CDKL5: variants seen among roughly 807,000 people sequenced by gnomAD.
CDKL5 encodes the protein cyclin-dependent kinase-like 5.
In CDKL5, 8 loss-of-function variants were observed where a neutral mutation model predicts 61.7. That is an observed-to-expected ratio of 0.13 (90% CI 0.08 to 0.23). The LOEUF (loss-of-function observed/expected upper bound fraction) is 0.23. Among genes scored for constraint, CDKL5 ranks in the 10% least tolerant of loss-of-function variants. The pLI, the probability that CDKL5 is intolerant of heterozygous loss-of-function variation, is 1.00. For synonymous variants in CDKL5, 275 were observed against 272.3 expected, an observed-to-expected ratio of 1.01 and a Z score of -0.10; for missense variants, 440 against 734.5, an observed-to-expected ratio of 0.60 and a Z score of 4.63.
intron 15 of CDKL5, among the ~76,000 whole-genome samples, chrX:18,614,550 GC>G (rs1926659881): frequency 8.9e-6 from 1 of 112,026 alleles, no homozygotes; most frequent in South Asian, 3.7e-4. Context: ...TGCATTAAAA[GC>G]ACCTAGAATA....
At chrX:18,553,465 C>CGT (rs201802099) in intron 3 of CDKL5, among the ~76,000 whole-genome samples, 6,038 of 90,678 alleles carry the variant, frequency 0.067, 168 homozygotes, top group Non-Finnish European at 0.071. Flanking sequence ...TGTGTGTGTG[C>CGT]GTGTGTGTGT....
intron 1 of CDKL5, among the ~76,000 whole-genome samples, chrX:18,473,042 G>C (rs1028012623): frequency 9.6e-6 from 1 of 103,934 alleles, no homozygotes; most frequent in Non-Finnish European, 1.9e-5. Context: ...TGCAACCTCT[G>C]TCTCCTGGAT....
chrX:18,518,385 C>CTTTTCTTTTT (rs1195931109), intron 3 of CDKL5, among the ~76,000 whole-genome samples: 1 of 22,794 alleles, frequency 4.4e-5, no homozygotes, highest in African/African-American at 1.5e-4. Flanking sequence ...CTTTTCTTTT[C>CTTTTCTTTTT]TTATTTTTTT....
chrX:18,649,253 A>G (rs1927927066), intron 20 of CDKL5, among the ~76,000 whole-genome samples: 1 of 110,818 alleles, frequency 9.0e-6, no homozygotes, highest in Non-Finnish European at 1.9e-5. Flanking sequence ...TTTTTTGGTT[A>G]GAGACCTGGT....
In CDKL5 at chrX:18,629,234, T is replaced by C; in HGVS notation, c.*477T>C. 6 of 746,841 alleles carry C rather than the reference T, an allele frequency of 8.0e-6. No homozygotes were observed. Among genetic ancestry groups the C allele is most frequent in the Non-Finnish European group, 9.5e-6 (6 of 632,214 alleles). 61.5% of individuals were successfully genotyped at this position (746,841 alleles called of 1,213,427 possible). A position where few individuals can be genotyped will look rare whatever the true frequency, so the allele number is the denominator to read the frequency against. The stretch of plus-strand genomic sequence containing the variant: ...CCCTTTGAAGGGTTAGCAGATGAAC[T>C]GTATGTCTTAAATTGTTTTCTAAAC... On this transcript the variant is annotated 3_prime_UTR_variant, in exon 18 of 18. Coordinates refer to ENST00000623535, the MANE Select transcript of CDKL5 (RefSeq NM_001323289.2).
intron 15 of CDKL5, 69 bp from the exon 16 acceptor site, chrX:18,619,798 T>C (rs1469172314): frequency 4.2e-6 from 3 of 719,717 alleles, no homozygotes; most frequent in East Asian, 6.7e-5. Flanking sequence ...TCAGTCCTTA[T>C]TATATTTGTC....
chrX:18,454,337 A>G (rs910353285), intron 1 of CDKL5, among the ~76,000 whole-genome samples: 1 of 107,480 alleles, frequency 9.3e-6, no homozygotes, highest in Admixed American at 1.0e-4. Context: ...CCCAGGTTCA[A>G]GGGATTCTTG....
intron 1 of CDKL5, among the ~76,000 whole-genome samples, chrX:18,475,567 G>A (rs757787650): frequency 5.3e-5 from 6 of 112,499 alleles, no homozygotes; most frequent in African/African-American, 1.9e-4. Flanking sequence ...AAAGTTCTGG[G>A]ATTACAGGCA....
intron 3 of CDKL5, among the ~76,000 whole-genome samples, chrX:18,522,486 A>G (rs1923285314): frequency 9.4e-6 from 1 of 106,719 alleles, no homozygotes. Flanking sequence ...CTGGTATTAC[A>G]GATGTGCACC....
At position 18,639,954 on chromosome X, in the gene CDKL5, C is replaced by T. The variant is rs563753319; in HGVS notation, c.*11197C>T. The T allele has an allele frequency of 2.7e-5, 3 of 111,860 alleles. No individual in the cohort carries two copies. The highest frequency in any genetic ancestry group is 3.7e-4 in the South Asian group (1 of 2,674). 9.2% of individuals were successfully genotyped at this position (111,860 alleles called of 1,213,427 possible). On this transcript the variant is annotated 3_prime_UTR_variant, in exon 18 of 18. Coordinates refer to ENST00000623535, the MANE Select transcript of CDKL5 (RefSeq NM_001323289.2). ...TCATTTATGTAGAACGTCCAGAAGGCCAATCTACAGAGACAGTCGATTCGT... is the reference window on the plus strand; with the variant it reads ...TCATTTATGTAGAACGTCCAGAAGGTCAATCTACAGAGACAGTCGATTCGT...
intron 9 of CDKL5, among the ~76,000 whole-genome samples, chrX:18,591,577 G>C (rs1305721373): frequency 9.0e-6 from 1 of 111,190 alleles, no homozygotes; most frequent in Non-Finnish European, 1.9e-5. Flanking sequence ...ACCTCTACAA[G>C]GTTACTGATA....
At chrX:18,524,065 C>T (rs963531427) in intron 3 of CDKL5, among the ~76,000 whole-genome samples, 1 of 111,745 alleles carries the variant, frequency 8.9e-6, no homozygotes, top group African/African-American at 3.3e-5. Flanking sequence ...AATTTGGACA[C>T]CTTTTATTTC....
chrX:18,647,404 A>G, intron 20 of CDKL5: 3 of 1,111,208 alleles, frequency 2.7e-6, no homozygotes, highest in Non-Finnish European at 3.7e-6. Context: ...CTGAAATAAC[A>G]AAACAAACCC....
intron 16 of CDKL5, 131 bp from the exon 17 acceptor site, chrX:18,624,997 C>T: frequency 1.7e-6 from 1 of 588,913 alleles, no homozygotes; most frequent in South Asian, 2.3e-5. Context: ...GATTGGGGTT[C>T]TATTTTTACT....
chrX:18,444,452 A>G (rs979276887), intron 1 of CDKL5, among the ~76,000 whole-genome samples: 12 of 111,295 alleles, frequency 1.1e-4, no homozygotes, highest in Non-Finnish European at 1.7e-4. Context: ...ATATTTATAC[A>G]AATATACAAA....
rs1927350937 is a variant in CDKL5 at position 18,635,261 on chromosome X, G to A, written c.*6504G>A. ...CTTATGTAAAATTTCTATTGTTGCT[G>A]TAAATATTACACAAATATCTATTCC... On this transcript the variant is annotated 3_prime_UTR_variant, in exon 18 of 18. Coordinates refer to ENST00000623535, the MANE Select transcript of CDKL5 (RefSeq NM_001323289.2). 1 of 748,494 alleles carries A rather than the reference G, an allele frequency of 1.3e-6. No homozygotes were observed. The highest frequency in any genetic ancestry group is 2.3e-5 in the African/African-American group (1 of 42,845). 61.7% of individuals were successfully genotyped at this position (748,494 alleles called of 1,213,427 possible).
rs139397525 is a variant in CDKL5 at position 18,633,329 on chromosome X, A to G, written c.*4572A>G. On this transcript the variant is annotated 3_prime_UTR_variant, in exon 18 of 18. Coordinates refer to ENST00000623535, the MANE Select transcript of CDKL5 (RefSeq NM_001323289.2). Reference sequence around the variant, plus strand: ...GTGTGTAGGCAGAGAAAACTTACTTATGGTTTGAAGAACCACAATTGTTTT... The same window carrying G: ...GTGTGTAGGCAGAGAAAACTTACTTGTGGTTTGAAGAACCACAATTGTTTT... The G allele has an allele frequency of 8.4e-5, 63 of 752,664 alleles. No homozygotes were observed. In the East Asian group the frequency reaches 5.0e-3, roughly 60 times the overall value. 62.0% of individuals were successfully genotyped at this position (752,664 alleles called of 1,213,427 possible).
chrX:18,616,444 G>A (rs1926715655), intron 15 of CDKL5, among the ~76,000 whole-genome samples: 1 of 110,191 alleles, frequency 9.1e-6, no homozygotes, highest in Non-Finnish European at 1.9e-5. Context: ...TGACCAACAT[G>A]GGAAAACCCC....
At chrX:18,569,561 T>C (rs1286066936) in intron 4 of CDKL5, among the ~76,000 whole-genome samples, 1 of 112,355 alleles carries the variant, frequency 8.9e-6, no homozygotes, top group Non-Finnish European at 1.9e-5. Flanking sequence ...TGTATCACTG[T>C]TGTTTTGTCA....
Sources: allele counts gnomAD v4.1 joint callset (sites outside exome capture counted in the v4.1 genomes callset), GRCh38; gene constraint gnomAD v4.1.1; transcripts MANE v1.5; gene names NCBI Gene and HGNC (gene_info 2026-07-23, HGNC 2026-07-21).